NKAIN3: variants seen among roughly 807,000 people sequenced by gnomAD.
NKAIN3 encodes the protein sodium/potassium-transporting ATPase subunit beta-1-interacting protein 3.
NKAIN3 carries 25 observed loss-of-function variants against 30.2 expected under a neutral mutation model. The ratio of observed to expected loss-of-function variants is 0.83; its 90% CI spans 0.60 to 1.16. The LOEUF (loss-of-function observed/expected upper bound fraction) is 1.16. Among genes scored for constraint, NKAIN3 ranks in the 50% most tolerant of loss-of-function variants. NKAIN3 has a pLI of 0.00. For missense variants in NKAIN3, 225 were observed against 254.1 expected, an observed-to-expected ratio of 0.89 and a Z score of 0.78; for synonymous variants, 91 against 89.6, an observed-to-expected ratio of 1.02 and a Z score of -0.09.
chr8:62,276,550 T>G (rs780004402), intron 1 of NKAIN3, among the ~76,000 whole-genome samples: 1 of 152,226 alleles, frequency 6.6e-6, no homozygotes, highest in Non-Finnish European at 1.5e-5. Context: ...TGATGTTCTA[T>G]TAAGTACACA....
intron 3 of NKAIN3, among the ~76,000 whole-genome samples, chr8:62,731,380 C>A (rs1815459629): frequency 6.6e-6 from 1 of 152,028 alleles, no homozygotes; most frequent in African/African-American, 2.4e-5. Flanking sequence ...TTATAACTGT[C>A]TTTTCTCTTA....
chr8:62,285,976 G>T (rs1563919237), intron 1 of NKAIN3, among the ~76,000 whole-genome samples: 1 of 152,102 alleles, frequency 6.6e-6, no homozygotes, highest in Non-Finnish European at 1.5e-5. Context: ...TACTGTACTT[G>T]CAGTGGCTTA....
chr8:62,331,830 T>G (rs1030640595), intron 1 of NKAIN3, among the ~76,000 whole-genome samples: 4 of 152,152 alleles, frequency 2.6e-5, no homozygotes, highest in African/African-American at 9.6e-5. Context: ...CGCTTTGTAT[T>G]AATACTTTTA....
At chr8:62,743,137 C>T (rs924439372) in intron 3 of NKAIN3, among the ~76,000 whole-genome samples, 2 of 152,134 alleles carry the variant, frequency 1.3e-5, no homozygotes, top group African/African-American at 4.8e-5. Flanking sequence ...AATTATATCA[C>T]CCATGTATTT....
At chr8:62,555,587 GAGA>G (rs1809362405) in intron 1 of NKAIN3, among the ~76,000 whole-genome samples, 2 of 151,866 alleles carry the variant, frequency 1.3e-5, no homozygotes, top group Non-Finnish European at 2.9e-5. Flanking sequence ...GGAATAGAAT[GAGA>G]AGTTCTCTGT....
At position 62,387,431 on chromosome 8, in the gene NKAIN3, T is replaced by G. The variant is rs1486092218; in HGVS notation, c.54+138304T>G. Among the ~76,000 whole-genome samples, 3 of 152,198 alleles carry G rather than the reference T, an allele frequency of 2.0e-5. No individual in the cohort carries two copies. The East Asian group carries it at 5.8e-4, about 29-fold the overall frequency. ...GATTAAGTCACTGTCAGCTGCTTTC[T>G]GCATGTAAACACCCATCCACATTGA... On this transcript the variant is annotated intron_variant, in intron 1 of 6. Transcript: ENST00000623646.
chr8:62,992,668 T>C (rs16930045), intron 5 of NKAIN3, among the ~76,000 whole-genome samples: 16,403 of 151,956 alleles, frequency 0.11, 1,028 homozygotes, highest in South Asian at 0.17. Flanking sequence ...TAGCCATGAT[T>C]CACTCTACCT....
intron 3 of NKAIN3, among the ~76,000 whole-genome samples, chr8:62,736,426 A>C (rs7837973): frequency 2.0e-5 from 3 of 152,090 alleles, no homozygotes; most frequent in African/African-American, 7.2e-5. Context: ...TATGGCTACC[A>C]CTGCTGCAGC....
chr8:62,290,718 T>C (rs142329332), intron 1 of NKAIN3, among the ~76,000 whole-genome samples: 3,069 of 152,290 alleles, frequency 0.02, 105 homozygotes, highest in African/African-American at 0.07. Flanking sequence ...TGTGTGTCTC[T>C]GTCAGGCTTT....
At chr8:62,450,418 A>G (rs758461968) in intron 1 of NKAIN3, among the ~76,000 whole-genome samples, 14 of 152,172 alleles carry the variant, frequency 9.2e-5, no homozygotes, top group Non-Finnish European at 1.5e-4. Context: ...TAAAAATTCA[A>G]CAGGTGAATA....
At chr8:62,428,558 A>C (rs192055747) in intron 1 of NKAIN3, among the ~76,000 whole-genome samples, 197 of 151,980 alleles carry the variant, frequency 1.3e-3, no homozygotes, top group African/African-American at 4.7e-3. Flanking sequence ...GGGTGAGATA[A>C]TATCTCATTT....
chr8:62,320,665 C>A (rs1290045828), intron 1 of NKAIN3, among the ~76,000 whole-genome samples: 1 of 152,244 alleles, frequency 6.6e-6, no homozygotes, highest in Admixed American at 6.5e-5. Flanking sequence ...TTGGCCCCCA[C>A]TCTCTTCTGG....
At chr8:62,782,942 G>A (rs188530174) in intron 4 of NKAIN3, among the ~76,000 whole-genome samples, 2 of 151,766 alleles carry the variant, frequency 1.3e-5, no homozygotes, top group Middle Eastern at 3.4e-3. Flanking sequence ...TAGAAAAGAG[G>A]ACTTGAAATG....
chr8:62,955,015 A>C (rs1823383890), intron 6 of NKAIN3, among the ~76,000 whole-genome samples: 1 of 152,150 alleles, frequency 6.6e-6, no homozygotes, highest in Non-Finnish European at 1.5e-5. Flanking sequence ...ATAAACACAT[A>C]TGAAAAGTTT....
intron 4 of NKAIN3, among the ~76,000 whole-genome samples, chr8:62,825,882 C>A (rs1321515227): frequency 6.6e-6 from 1 of 152,128 alleles, no homozygotes; most frequent in Non-Finnish European, 1.5e-5. Flanking sequence ...TTCAGGCAGC[C>A]CCACTAGTCA....
At chr8:62,345,495 A>ACATATG (rs1815942531) in intron 1 of NKAIN3, among the ~76,000 whole-genome samples, 1 of 8,848 alleles carries the variant, frequency 1.1e-4, no homozygotes, top group Non-Finnish European at 4.1e-4. Flanking sequence ...ATATATACAC[A>ACATATG]CATATATACA....
intron 4 of NKAIN3, among the ~76,000 whole-genome samples, chr8:62,869,306 T>C (rs1820518205): frequency 6.6e-6 from 1 of 151,964 alleles, no homozygotes; most frequent in Non-Finnish European, 1.5e-5. Flanking sequence ...ATGCTCTCCC[T>C]CCCCTTGCCG....
intron 3 of NKAIN3, among the ~76,000 whole-genome samples, chr8:62,701,722 G>A (rs1220949693): frequency 6.6e-6 from 1 of 152,130 alleles, no homozygotes; most frequent in Non-Finnish European, 1.5e-5. Flanking sequence ...TCCATCATTT[G>A]GCAATGAGCC....
intron 1 of NKAIN3, among the ~76,000 whole-genome samples, chr8:62,514,198 T>TA (rs1807911070): frequency 5.3e-5 from 8 of 152,298 alleles, no homozygotes; most frequent in African/African-American, 9.6e-5. Flanking sequence ...AGCTGCATTC[T>TA]ATGACATCCA....
Sources: gnomAD v4.1 joint callset for allele counts (sites outside exome capture counted in the v4.1 genomes callset) on GRCh38, gnomAD v4.1.1 for gene constraint, MANE v1.5 for transcripts, NCBI Gene and HGNC (gene_info 2026-07-23, HGNC 2026-07-21) for gene names.